TBC1D28: variants seen among roughly 807,000 people sequenced by gnomAD.
TBC1D28 encodes TBC1 domain family, member 28.
A neutral mutation model predicts 29.2 loss-of-function variants in TBC1D28; 20 were observed. The observed-to-expected ratio is 0.68, with a 90% CI of 0.48 to 0.99. The LOEUF (loss-of-function observed/expected upper bound fraction) is 0.99, where lower values mean the gene tolerates loss of function less well. TBC1D28 is among the 50% of genes least tolerant of loss of function. The pLI is 0.00. For synonymous variants in TBC1D28, 65 were observed against 90.9 expected (o/e 0.71, Z 1.62); for missense variants, 205 against 243.7 (o/e 0.84, Z 1.06).
At chr17:18,641,423 C>T in intron 2 of TBC1D28, 70 bp from the exon 4 acceptor site, 2 of 1,037,112 alleles carry the variant, frequency 1.9e-6, no homozygotes, top group Admixed American at 1.9e-5. Context: ...ACCACACGCA[C>T]TGCACTCCCA....
chr17:18,636,057 C>G (rs958959849), exon 9 of TBC1D28: 6 of 1,013,258 alleles, frequency 5.9e-6, no homozygotes, highest in Non-Finnish European at 7.1e-6. Context: ...CTCTCCCTGC[C>G]TGGAATGGTC....
exon 9 of TBC1D28, chr17:18,636,487 G>T (rs745385564): frequency 4.3e-6 from 7 of 1,613,978 alleles, no homozygotes; most frequent in Non-Finnish European, 5.9e-6. Flanking sequence ...ACCCCCGAGA[G>T]ACACCCATGC....
At chr17:18,638,999 TG>T (rs1367315989) in intron 5 of TBC1D28, 175 bp downstream of exon 6, 2 of 1,101,540 alleles carry the variant, frequency 1.8e-6, no homozygotes, top group Non-Finnish European at 2.6e-6. Flanking sequence ...GTTCTTGGTT[TG>T]GGTTTTGGTC....
chr17:18,641,054 G>A (rs1475666571), exon 4 of TBC1D28: 1 of 618,080 alleles, frequency 1.6e-6, no homozygotes, highest in East Asian at 2.9e-5. Context: ...TGTATTTTCT[G>A]ACATCAACCT....
exon 1 of TBC1D28, chr17:18,642,200 C>A (rs1223846413): frequency 1.3e-5 from 2 of 152,330 alleles, no homozygotes; most frequent in Admixed American, 1.3e-4. Flanking sequence ...CTCCAGGCAG[C>A]CCTCCAGGGC....
chr17:18,640,975 C>T (rs1163034183), intron 4 of TBC1D28, 47 bp downstream of exon 5: 2 of 508,452 alleles, frequency 3.9e-6, no homozygotes, highest in East Asian at 3.3e-5. Flanking sequence ...CAAAACCCAT[C>T]CCTGAGGTGA....
At position 18,641,303 on chromosome 17, in the gene TBC1D28, T is replaced by C. The variant is rs1365953607; in HGVS notation, c.50A>G (p.Asn17Ser). ...CTGCTCATACTTAGTAATGATGATA[T>C]TGCCTTGCCCCTGGGCAGGCAGGTT... Residue 17 changes from asparagine (N) to serine (S), a missense_variant, in exon 3 of 9, where the codon AAT becomes AGT. Coordinates refer to ENST00000345096, the Ensembl canonical transcript of TBC1D28. 3.1e-6 allele frequency: 5 copies of C among 1,613,580 alleles called. No homozygotes were observed. The highest frequency in any genetic ancestry group is 4.2e-6 in the Non-Finnish European group (5 of 1,179,812).
exon 5 of TBC1D28, chr17:18,639,175 C>T: frequency 1.2e-6 from 2 of 1,611,862 alleles, no homozygotes; most frequent in Non-Finnish European, 1.7e-6. Flanking sequence ...AGGCTCTTAC[C>T]TTCACCTCCA....
chr17:18,634,846 A>C (rs1316968737), downstream of TBC1D28, among the ~76,000 whole-genome samples: 1 of 133,328 alleles, frequency 7.5e-6, no homozygotes, highest in East Asian at 2.1e-4. Flanking sequence ...CAGCCTCCTC[A>C]GCCCCTCAGC....
upstream of TBC1D28, among the ~76,000 whole-genome samples, chr17:18,643,739 C>G (rs138713554): frequency 1.2e-3 from 179 of 152,316 alleles, 1 homozygote; most frequent in African/African-American, 4.2e-3. Context: ...TCCTCTACCA[C>G]AACTGCCCAC....
rs377742804 is a variant in TBC1D28 at position 18,638,336 on chromosome 17, A to G, written c.364T>C (p.Ser122Pro). ...ACCTTATATTTGCCTGGGTTCTGGG[A>G]CTTGATTTTGTCAATATCTAGCAAA... Residue 122 changes from serine (S) to proline (P), a missense_variant, in exon 7 of 9, where the codon TCC becomes CCC. Ser to Pro is a moderately conservative substitution (Grantham distance 74). Coordinates refer to ENST00000345096, the Ensembl canonical transcript of TBC1D28. 2.0e-5 allele frequency: 33 copies of G among 1,614,046 alleles called. No individual in the cohort carries two copies. In the Admixed American group the frequency reaches 4.8e-4, roughly 24 times the overall value.
At chr17:18,638,265 C>T (rs1453459874) in intron 7 of TBC1D28, 48 bp downstream of exon 8, 2 of 1,599,508 alleles carry the variant, frequency 1.3e-6, no homozygotes, top group Admixed American at 1.7e-5. Context: ...GATCCTGATA[C>T]AGTCTAGCTT....
chr17:18,641,561 G>T, intron 2 of TBC1D28, 71 bp downstream of exon 3: 1 of 620,542 alleles, frequency 1.6e-6, no homozygotes. Flanking sequence ...GCTCCTTCTT[G>T]AGGATTTGAG....
rs1597482786 is a variant in TBC1D28, at chr17:18,639,363, C to T, written c.159-149G>A. On this transcript the variant is annotated intron_variant, in intron 4 of 8. Coordinates refer to ENST00000345096, the Ensembl canonical transcript of TBC1D28. Reference sequence around the variant, plus strand: ...CACAGAGAAGGAAGGCAAGGGCCTCCCTGCGGATCTGACACTAGCAAGGCA... The same window carrying T: ...CACAGAGAAGGAAGGCAAGGGCCTCTCTGCGGATCTGACACTAGCAAGGCA... The T allele has an allele frequency of 4.3e-6, 4 of 924,974 alleles. No homozygotes were observed. In the East Asian group the frequency reaches 1.7e-4, roughly 38 times the overall value. The allele number at this position is 924,974 out of a possible 1,614,324, so 57.3% of individuals were successfully genotyped here.
upstream of TBC1D28, chr17:18,643,088 A>G (rs1169588635): frequency 6.6e-6 from 1 of 152,250 alleles, no homozygotes; most frequent in African/African-American, 2.4e-5. Context: ...GTGCTCATCA[A>G]GTCTTAATCA....
exon 1 of TBC1D28, chr17:18,642,133 C>A (rs1352136446): frequency 6.5e-6 from 1 of 153,002 alleles, no homozygotes; most frequent in African/African-American, 2.4e-5. Context: ...GAGAATGGGA[C>A]GCTGCAGGAG....
intron 2 of TBC1D28, 67 bp from the exon 4 acceptor site, chr17:18,641,420 G>T (rs952594095): frequency 1.7e-5 from 18 of 1,034,692 alleles, no homozygotes; most frequent in Middle Eastern, 2.1e-4. Flanking sequence ...CAAACCACAC[G>T]CACTGCACTC....
Position 18,636,888 on chromosome 17 carries a change from C to T in TBC1D28, c.498-291G>A, listed in dbSNP as rs555344058. Among the ~76,000 whole-genome samples, 10 of 121,578 alleles carry T rather than the reference C, an allele frequency of 8.2e-5. No homozygotes were observed. The South Asian group carries it at 1.7e-3, about 20-fold the overall frequency. The allele number at this position is 121,578 out of a possible 152,430, so 79.8% of individuals were successfully genotyped here. On this transcript the variant is annotated intron_variant, in intron 8 of 8. Coordinates refer to ENST00000345096, the Ensembl canonical transcript of TBC1D28. Reference sequence around the variant, plus strand: ...ACACACAGAAGTCCAGTCTTTGGGACGTGCAGTTCCACGATTCTGAACTAA... The same window carrying T: ...ACACACAGAAGTCCAGTCTTTGGGATGTGCAGTTCCACGATTCTGAACTAA...
In TBC1D28 at chr17:18,635,679, C is replaced by A. The variant is rs865881146; in HGVS notation, c.*783G>T. 5 of 1,028,064 alleles carry A rather than the reference C, an allele frequency of 4.9e-6. No homozygotes were observed. The African/African-American group carries it at 6.8e-5, about 14-fold the overall frequency. 63.7% of individuals were successfully genotyped at this position (1,028,064 alleles called of 1,614,324 possible). Reference sequence around the variant, plus strand: ...GAGGGCTTTCCCCAAAGCACCAGATCGCCTTCCTTTCCGAGGCCACAAAGG... The same window carrying A: ...GAGGGCTTTCCCCAAAGCACCAGATAGCCTTCCTTTCCGAGGCCACAAAGG... On this transcript the variant is annotated 3_prime_UTR_variant, in exon 9 of 9. Coordinates refer to ENST00000345096, the Ensembl canonical transcript of TBC1D28.
Sources: allele counts gnomAD v4.1 joint callset (sites outside exome capture counted in the v4.1 genomes callset), GRCh38; gene constraint gnomAD v4.1.1; transcripts MANE v1.5; gene names NCBI Gene and HGNC (gene_info 2026-07-23, HGNC 2026-07-21).